UBTD1: variants seen among roughly 807,000 people sequenced by gnomAD.
UBTD1 encodes ubiquitin domain-containing protein 1.
Under a neutral mutation model 21.7 loss-of-function variants are expected in UBTD1, and 19 were observed. That is an observed-to-expected ratio of 0.87 (90% CI 0.61 to 1.28). UBTD1 has a LOEUF of 1.28. Among genes scored for constraint, UBTD1 ranks in the 50% most tolerant of loss-of-function variants. The pLI is 0.00. For synonymous variants in UBTD1, 116 were observed against 135.1 expected (o/e 0.86, Z 0.98); for missense variants, 282 against 315.1 (o/e 0.89, Z 0.80).
At chr10:97,515,593 A>G (rs1300881482) in intron 1 of UBTD1, among the ~76,000 whole-genome samples, 2 of 152,284 alleles carry the variant, frequency 1.3e-5, no homozygotes, top group African/African-American at 4.8e-5. Flanking sequence ...AGGGATTAGA[A>G]AAACCCTGTT....
chr10:97,514,213 C>G (rs1473988037), intron 1 of UBTD1, among the ~76,000 whole-genome samples: 2 of 151,418 alleles, frequency 1.3e-5, no homozygotes, highest in East Asian at 3.9e-4. Context: ...TGGGACGAAG[C>G]ACTGGCTTTA....
intron 1 of UBTD1, among the ~76,000 whole-genome samples, chr10:97,565,864 C>T (rs189186991): frequency 3.0e-4 from 45 of 152,032 alleles, no homozygotes; most frequent in Non-Finnish European, 5.9e-4. Flanking sequence ...AGCTGCATGC[C>T]ACCATGCCCG....
At chr10:97,512,597 G>A (rs902741138) in intron 1 of UBTD1, among the ~76,000 whole-genome samples, 10 of 152,316 alleles carry the variant, frequency 6.6e-5, no homozygotes, top group Non-Finnish European at 1.0e-4. Context: ...CAGTCTTCAG[G>A]GTCAGTAGGC....
chr10:97,533,273 T>G (rs11815447), intron 1 of UBTD1, among the ~76,000 whole-genome samples: 5,744 of 152,302 alleles, frequency 0.038, 318 homozygotes, highest in African/African-American at 0.12. Flanking sequence ...TGCCCCGGGT[T>G]TGCTGCCTTC....
At position 97,568,016 on chromosome 10, in the gene UBTD1, C is replaced by T. The variant is rs773691624; in HGVS notation, c.173C>T (p.Ala58Val). 7 of 1,613,940 alleles carry T rather than the reference C, an allele frequency of 4.3e-6. No homozygotes were observed. The highest frequency in any genetic ancestry group is 2.2e-5 in the South Asian group (2 of 91,092). ...RSKRDEFWDT[A>V]PAFEGRKEIW... ...AAACGGGATGAGTTCTGGGACACAG[C>T]GCCTGCCTTCGAGGGCCGCAAGGAG... The change falls in exon 2 of 3, where the codon GCG (alanine) becomes GTG (valine). Residue 58 changes from alanine to valine, a missense_variant. Physicochemically the swap from Ala to Val is moderately conservative, Grantham distance 64. Coordinates refer to ENST00000370664, the MANE Select transcript of UBTD1 (RefSeq NM_024954.5).
At chr10:97,535,184 G>A (rs2040554314) in intron 1 of UBTD1, among the ~76,000 whole-genome samples, 1 of 152,204 alleles carries the variant, frequency 6.6e-6, no homozygotes, top group Non-Finnish European at 1.5e-5. Context: ...CATCCAGGTT[G>A]GCCAAAGCCT....
intron 1 of UBTD1, among the ~76,000 whole-genome samples, chr10:97,529,651 A>G (rs2040518299): frequency 6.6e-6 from 1 of 151,964 alleles, no homozygotes. Flanking sequence ...AGGCTGAGGC[A>G]GGAGAATCAG....
chr10:97,562,137 C>G (rs1240876569), intron 1 of UBTD1, among the ~76,000 whole-genome samples: 1 of 152,140 alleles, frequency 6.6e-6, no homozygotes, highest in Non-Finnish European at 1.5e-5. Context: ...GGCGTGGTGG[C>G]TCACGTCTGT....
At position 97,568,136 on chromosome 10, in the gene UBTD1, C is replaced by T. The variant is rs556143310; in HGVS notation, c.293C>T (p.Pro98Leu). Residue 98 changes from proline to leucine, a missense_variant, in exon 2 of 3, where the codon CCT becomes CTT. Transcript: ENST00000370664. The stretch of plus-strand genomic sequence containing the variant: ...CTGGATGGAGCCAGCATCACCCTGC[C>T]TCATGGTAAGTGGGCAGGGCCAGGG... ...AILDGASITL[P>L]HGTLCECYDE... 1.9e-6 allele frequency: 3 copies of T among 1,613,640 alleles called. No individual in the cohort carries two copies. The highest frequency in any genetic ancestry group is 2.2e-5 in the East Asian group (1 of 44,890).
intron 1 of UBTD1, among the ~76,000 whole-genome samples, 188 bp from the exon 2 acceptor site, chr10:97,567,726 C>G (rs1159660996): frequency 6.6e-6 from 1 of 151,838 alleles, no homozygotes; most frequent in Non-Finnish European, 1.5e-5. Flanking sequence ...ATTTTATGTC[C>G]CTAGGTTGGT....
intron 1 of UBTD1, among the ~76,000 whole-genome samples, chr10:97,551,482 G>A (rs552626403): frequency 1.1e-3 from 168 of 152,362 alleles, no homozygotes; most frequent in Non-Finnish European, 1.7e-3. Flanking sequence ...TCCCCGTGCA[G>A]GTTGTATGCC....
chr10:97,548,972 G>T (rs2040624001), intron 1 of UBTD1, among the ~76,000 whole-genome samples: 1 of 152,178 alleles, frequency 6.6e-6, no homozygotes, highest in Admixed American at 6.5e-5. Flanking sequence ...TCACGGACCA[G>T]AGAGCAGAAA....
At position 97,499,109 on chromosome 10, in the gene UBTD1, GGGC is replaced by G; in HGVS notation, c.-91_-89del. ...GGGAGATCGGGGAGCGCCCGATGCCGGGCGGCCGGAGCCATTGACCCGGGACGC... is the reference window on the plus strand; with the variant it reads ...GGGAGATCGGGGAGCGCCCGATGCCGGGCCGGAGCCATTGACCCGGGACGC... On this transcript the variant is annotated 5_prime_UTR_variant, in exon 1 of 3. Transcript: ENST00000370664. 1 of 1,365,978 alleles carries G rather than the reference GGGC, an allele frequency of 7.3e-7. No homozygotes were observed. The highest frequency in any genetic ancestry group is 1.5e-5 in the South Asian group (1 of 68,332). The allele number at this position is 1,365,978 out of a possible 1,614,324, so 84.6% of individuals were successfully genotyped here. A position where few individuals can be genotyped will look rare whatever the true frequency, so the allele number is the denominator to read the frequency against.
Position 97,559,987 on chromosome 10 carries a change from GT to G in UBTD1, c.71-7919del, listed in dbSNP as rs930764040. Among the ~76,000 whole-genome samples, 28 of 151,268 alleles carry G rather than the reference GT, an allele frequency of 1.9e-4. No homozygotes were observed. The East Asian group carries it at 1.9e-3, about 11-fold the overall frequency. On this transcript the variant is annotated intron_variant, in intron 1 of 2. Transcript: ENST00000370664. Reference sequence around the variant, plus strand: ...TTCTCATACACCTTGCACATAAACTGTTTTTTTTAATAGTCTTCAGGAGGCC... The same window carrying G: ...TTCTCATACACCTTGCACATAAACTGTTTTTTTAATAGTCTTCAGGAGGCC...
chr10:97,527,600 C>CT (rs1481047562), intron 1 of UBTD1, among the ~76,000 whole-genome samples: 1 of 151,980 alleles, frequency 6.6e-6, no homozygotes, highest in African/African-American at 2.4e-5. Context: ...TCTGGTTTTC[C>CT]AGGCAGAGTG....
At chr10:97,537,336 G>A (rs78525581) in intron 1 of UBTD1, among the ~76,000 whole-genome samples, 2,086 of 152,252 alleles carry the variant, frequency 0.014, 15 homozygotes, top group Middle Eastern at 0.031. Flanking sequence ...GGTTACCTTG[G>A]GGGTCGGGTG....
intron 1 of UBTD1, among the ~76,000 whole-genome samples, chr10:97,519,949 G>T (rs114793737): frequency 0.01 from 1,551 of 151,942 alleles, 34 homozygotes; most frequent in African/African-American, 0.035. Context: ...AGACCCAAGG[G>T]CTTGGGGCTT....
chr10:97,539,788 G>A (rs1218336038), intron 1 of UBTD1, among the ~76,000 whole-genome samples: 1 of 152,114 alleles, frequency 6.6e-6, no homozygotes, highest in Non-Finnish European at 1.5e-5. Context: ...GATATGATGT[G>A]TGGGAGGACA....
chr10:97,567,436 G>A (rs2040722706), intron 1 of UBTD1, among the ~76,000 whole-genome samples: 2 of 149,820 alleles, frequency 1.3e-5, no homozygotes, highest in South Asian at 2.1e-4. Context: ...TGAGGCGGGT[G>A]GATCACGAGG....
Sources: gnomAD v4.1 joint callset for allele counts (sites outside exome capture counted in the v4.1 genomes callset) on GRCh38, gnomAD v4.1.1 for gene constraint, MANE v1.5 for transcripts, NCBI Gene and HGNC (gene_info 2026-07-23, HGNC 2026-07-21) for gene names.